CD96: variants seen among roughly 807,000 people sequenced by gnomAD.
The protein encoded by CD96 is CD96 molecule.
Under a neutral mutation model 71.3 loss-of-function variants are expected in CD96, and 70 were observed. The ratio of observed to expected loss-of-function variants is 0.98; its 90% CI spans 0.81 to 1.20. CD96 has a LOEUF of 1.20. CD96 is among the 50% of genes most tolerant of loss of function. The pLI, the probability that CD96 is intolerant of heterozygous loss-of-function variation, is 0.00. For synonymous variants in CD96, 248 were observed against 233.0 expected (o/e 1.06, Z -0.59); for missense variants, 742 against 677.5 (o/e 1.10, Z -1.06).
At chr3:111,629,500 A>G (rs552379304) in intron 10 of CD96, among the ~76,000 whole-genome samples, 5 of 152,358 alleles carry the variant, frequency 3.3e-5, no homozygotes, top group South Asian at 2.1e-4. Flanking sequence ...ATACAGGAGC[A>G]CTCAGATTCA....
chr3:111,579,295 T>G (rs763868935), intron 4 of CD96, 61 bp downstream of exon 4: 3 of 927,592 alleles, frequency 3.2e-6, no homozygotes, highest in Non-Finnish European at 5.4e-6. Flanking sequence ...TGCTCTTCCT[T>G]GAAGAGGAAG....
chr3:111,623,256 G>T (rs1244853889), intron 8 of CD96, among the ~76,000 whole-genome samples: 1 of 152,126 alleles, frequency 6.6e-6, no homozygotes, highest in Non-Finnish European at 1.5e-5. Flanking sequence ...TTTTGGGGGA[G>T]TGAGGGGGAA....
At chr3:111,572,797 C>T (rs1249120279) in intron 3 of CD96, among the ~76,000 whole-genome samples, 1 of 152,190 alleles carries the variant, frequency 6.6e-6, no homozygotes, top group East Asian at 1.9e-4. Context: ...TTATGACCCT[C>T]ATAGGAAAGG....
At chr3:111,649,596 T>C in intron 13 of CD96, 102 bp from the exon 14 acceptor site, 1 of 820,334 alleles carries the variant, frequency 1.2e-6, no homozygotes, top group South Asian at 1.3e-5. Flanking sequence ...CTCTTTCTCA[T>C]CAATCTGTGT....
downstream of CD96, among the ~76,000 whole-genome samples, chr3:111,656,930 C>T (rs901117132): frequency 2.0e-5 from 3 of 151,684 alleles, no homozygotes; most frequent in Non-Finnish European, 4.4e-5. Context: ...TCCTTTCCTG[C>T]ATATACCTTT....
chr3:111,562,075 G>C (rs571325448), intron 2 of CD96, among the ~76,000 whole-genome samples: 3 of 152,188 alleles, frequency 2.0e-5, no homozygotes, highest in Non-Finnish European at 2.9e-5. Context: ...GCTCCCGCAC[G>C]GTGCGCGCAC....
intron 14 of CD96, among the ~76,000 whole-genome samples, chr3:111,664,483 A>G (rs1035340227): frequency 3.3e-5 from 5 of 152,204 alleles, no homozygotes; most frequent in Admixed American, 3.3e-4. Context: ...ATAAATATGG[A>G]AACAATGGAC....
chr3:111,564,306 ATC>A (rs950135093), intron 2 of CD96, among the ~76,000 whole-genome samples: 1 of 150,824 alleles, frequency 6.6e-6, no homozygotes, highest in Non-Finnish European at 1.5e-5. Flanking sequence ...TTTCCTTTGA[ATC>A]TCTTTTATCA....
intron 3 of CD96, among the ~76,000 whole-genome samples, chr3:111,569,022 T>C (rs566341655): frequency 6.6e-6 from 1 of 152,358 alleles, no homozygotes; most frequent in South Asian, 2.1e-4. Context: ...TTAAAAATTC[T>C]TATGAAACTC....
chr3:111,564,241 C>T (rs1935596606), intron 2 of CD96, among the ~76,000 whole-genome samples: 1 of 151,802 alleles, frequency 6.6e-6, no homozygotes, highest in East Asian at 1.9e-4. Flanking sequence ...TTGCTTTCAT[C>T]TTTTTTCTTT....
At chr3:111,589,688 T>C (rs1193013092) in intron 5 of CD96, among the ~76,000 whole-genome samples, 2 of 152,222 alleles carry the variant, frequency 1.3e-5, no homozygotes, top group Non-Finnish European at 2.9e-5. Flanking sequence ...TCTGTCATTT[T>C]ACAGATGAAA....
At chr3:111,563,190 T>A (rs562557447) in intron 2 of CD96, among the ~76,000 whole-genome samples, 4 of 152,208 alleles carry the variant, frequency 2.6e-5, no homozygotes, top group Non-Finnish European at 4.4e-5. Context: ...ACTGACACAA[T>A]GGCAACCAAA....
In CD96 at chr3:111,650,189, G is replaced by T. The variant is rs1940013887; in HGVS notation, c.*383G>T. On this transcript the variant is annotated 3_prime_UTR_variant, in exon 14 of 14. Transcript: ENST00000352690. ...TCTTATTTGAACATCTATCAACATT[G>T]TAAACTCTTTGCCAAAATCCTGGGG... is the stretch of plus-strand genomic sequence containing the variant. 4 of 221,614 alleles carry T rather than the reference G, an allele frequency of 1.8e-5. No homozygotes were observed. The South Asian group carries it at 2.9e-4, about 16-fold the overall frequency. The allele number at this position is 221,614 out of a possible 1,614,324, so 13.7% of individuals were successfully genotyped here.
At chr3:111,574,632 C>G (rs1175032353) in intron 3 of CD96, among the ~76,000 whole-genome samples, 1 of 152,148 alleles carries the variant, frequency 6.6e-6, no homozygotes, top group African/African-American at 2.4e-5. Context: ...ATTATTTTAT[C>G]AAGCTCCTAT....
intron 14 of CD96, among the ~76,000 whole-genome samples, chr3:111,657,859 A>G (rs1448192438): frequency 6.6e-6 from 1 of 152,252 alleles, no homozygotes. Flanking sequence ...GAGACCCATG[A>G]TGTCCACCTG....
chr3:111,617,183 G>T (rs1002771308), intron 8 of CD96, among the ~76,000 whole-genome samples: 5 of 152,330 alleles, frequency 3.3e-5, no homozygotes, highest in African/African-American at 7.2e-5. Flanking sequence ...GCCATTTGGT[G>T]CAAACAGCCT....
chr3:111,637,934 T>C, intron 11 of CD96, 145 bp from the exon 12 acceptor site: 1 of 676,300 alleles, frequency 1.5e-6, no homozygotes, highest in Non-Finnish European at 2.7e-6. Context: ...AAATTGGTTC[T>C]TAATAAACTT....
At chr3:111,623,538 G>A (rs1938605794) in intron 8 of CD96, among the ~76,000 whole-genome samples, 1 of 152,054 alleles carries the variant, frequency 6.6e-6, no homozygotes, top group South Asian at 2.1e-4. Flanking sequence ...TTTAGAATTA[G>A]GAAACCGGGT....
Position 111,598,212 on chromosome 3 carries a change from T to G in CD96, c.898+2T>G. 1 of 1,186,962 alleles carries G rather than the reference T, an allele frequency of 8.4e-7. No homozygotes were observed. Among genetic ancestry groups the G allele is most frequent in the Non-Finnish European group, 1.3e-6 (1 of 790,840 alleles). 73.5% of individuals were successfully genotyped at this position (1,186,962 alleles called of 1,614,324 possible). On this transcript the variant is annotated splice_donor_variant, in intron 6 of 13. Coordinates refer to ENST00000352690, the MANE Select transcript of CD96 (RefSeq NM_005816.5). LOFTEE classifies it high-confidence loss of function. ...GTTTTCTTCATGATGAAAAAGAAGGTAAGGAAACTAATCAATGGAAATAAG... is the reference window on the plus strand; with the variant it reads ...GTTTTCTTCATGATGAAAAAGAAGGGAAGGAAACTAATCAATGGAAATAAG...
Sources: allele counts gnomAD v4.1 joint callset (sites outside exome capture counted in the v4.1 genomes callset), GRCh38; gene constraint gnomAD v4.1.1; transcripts MANE v1.5; gene names NCBI Gene and HGNC (gene_info 2026-07-23, HGNC 2026-07-21).